The following TRDN variants were observed in gnomAD, a reference collection of about 807,000 sequenced individuals.
TRDN encodes triadin in skeletal muscle.
A neutral mutation model predicts 149.7 loss-of-function variants in TRDN; 161 were observed. That is an observed-to-expected ratio of 1.08 (90% CI 0.95 to 1.23). TRDN has a LOEUF of 1.23. Ranked by LOEUF, TRDN falls within the 50% of genes most tolerant of loss-of-function variation. The pLI is 0.00. For missense variants in TRDN, 896 were observed against 823.5 expected, an observed-to-expected ratio of 1.09 and a Z score of -1.08; for synonymous variants, 294 against 250.5, an observed-to-expected ratio of 1.17 and a Z score of -1.64.
chr6:123,607,921 T>G (rs1784595469), intron 1 of TRDN, among the ~76,000 whole-genome samples: 2 of 151,420 alleles, frequency 1.3e-5, no homozygotes, highest in African/African-American at 4.9e-5. Context: ...ACTCTTGGCC[T>G]CAGGCAATTC....
intron 24 of TRDN, among the ~76,000 whole-genome samples, chr6:123,309,112 T>C (rs1401910102): frequency 6.6e-6 from 1 of 152,008 alleles, no homozygotes; most frequent in Non-Finnish European, 1.5e-5. Flanking sequence ...AATTTATTTC[T>C]ATAGAATTTC....
intron 20 of TRDN, among the ~76,000 whole-genome samples, chr6:123,361,185 T>C (rs749262283): frequency 1.8e-4 from 27 of 152,142 alleles, no homozygotes; most frequent in Non-Finnish European, 3.7e-4. Context: ...TTGAACACCA[T>C]AGAATACTAT....
chr6:123,527,356 A>G (rs73536703), intron 5 of TRDN, among the ~76,000 whole-genome samples: 17,837 of 152,008 alleles, frequency 0.12, 1,321 homozygotes, highest in Non-Finnish European at 0.17. Context: ...AGAGTTATTT[A>G]TGATTACAAA....
chr6:123,390,786 G>A (rs1291242682), intron 13 of TRDN, among the ~76,000 whole-genome samples: 1 of 152,060 alleles, frequency 6.6e-6, no homozygotes, highest in Non-Finnish European at 1.5e-5. Flanking sequence ...GAGTAGACAT[G>A]GTTCTCAATA....
chr6:123,408,064 G>A (rs1444745926), intron 12 of TRDN, among the ~76,000 whole-genome samples: 1 of 152,014 alleles, frequency 6.6e-6, no homozygotes, highest in Non-Finnish European at 1.5e-5. Context: ...TCCCAAATAT[G>A]GCTTTAAAAT....
At chr6:123,576,561 GA>G in intron 1 of TRDN, among the ~76,000 whole-genome samples, 1 of 151,870 alleles carries the variant, frequency 6.6e-6, no homozygotes, top group East Asian at 1.9e-4. Flanking sequence ...CCATTGAGTG[GA>G]ACGGATGAGG....
intron 1 of TRDN, among the ~76,000 whole-genome samples, chr6:123,589,968 A>C (rs917358475): frequency 6.6e-6 from 1 of 152,204 alleles, no homozygotes; most frequent in Admixed American, 6.5e-5. Context: ...TTAAATATAA[A>C]TGATAGTAGT....
chr6:123,531,731 CATAG>C (rs1189126889), intron 4 of TRDN, among the ~76,000 whole-genome samples: 2 of 152,042 alleles, frequency 1.3e-5, no homozygotes, highest in African/African-American at 2.4e-5. Context: ...CTCCAAATGA[CATAG>C]GAAATGCCCA....
intron 24 of TRDN, among the ~76,000 whole-genome samples, chr6:123,308,613 T>C (rs1000658955): frequency 7.9e-5 from 12 of 152,084 alleles, no homozygotes; most frequent in Admixed American, 6.6e-4. Context: ...ATTACAAGTG[T>C]CTATAGAAAA....
chr6:123,267,101 CAAA>C, intron 32 of TRDN, among the ~76,000 whole-genome samples: 1 of 69,338 alleles, frequency 1.4e-5, no homozygotes, highest in Non-Finnish European at 2.4e-5. Flanking sequence ...GATTTTGTCT[CAAA>C]AAAAAAAAAA....
chr6:123,544,104 C>T (rs1026384056), intron 4 of TRDN, among the ~76,000 whole-genome samples: 1 of 151,816 alleles, frequency 6.6e-6, no homozygotes, highest in East Asian at 1.9e-4. Context: ...AGAATGCCAT[C>T]GAATGAATGG....
At chr6:123,442,254 A>G (rs1404559994) in intron 10 of TRDN, 1 of 152,246 alleles carries the variant, frequency 6.6e-6, no homozygotes, top group Non-Finnish European at 1.5e-5. Flanking sequence ...CCTCATTTGA[A>G]AAGTGGAGCT....
intron 21 of TRDN, chr6:123,350,390 A>G (rs1012724633): frequency 1.2e-6 from 1 of 834,444 alleles, no homozygotes; most frequent in Non-Finnish European, 1.4e-6. Context: ...AAATCATATA[A>G]TTTTTCTAAA....
At chr6:123,420,309 A>C (rs1773841708) in intron 12 of TRDN, among the ~76,000 whole-genome samples, 1 of 152,214 alleles carries the variant, frequency 6.6e-6, no homozygotes, top group Non-Finnish European at 1.5e-5. Flanking sequence ...TAGTGGTAAA[A>C]GATGGCAGCT....
intron 24 of TRDN, among the ~76,000 whole-genome samples, chr6:123,293,790 T>G (rs1053037440): frequency 6.7e-6 from 1 of 148,490 alleles, no homozygotes; most frequent in African/African-American, 2.4e-5. Context: ...GTCTTAGGAG[T>G]AGCTTTCCCC....
chr6:123,270,716 T>C (rs1777177614), intron 30 of TRDN, among the ~76,000 whole-genome samples: 2 of 152,016 alleles, frequency 1.3e-5, no homozygotes. Flanking sequence ...TATATAACCA[T>C]ATCCCTCTCT....
In TRDN at chr6:123,558,536, A is replaced by G. The variant is rs182591068; in HGVS notation, c.233-9924T>C. ...CAGCATTTACACTCTTTTTCATCAAATATGAAAAACCCAGCCCAGTTCATG... is the reference window on the plus strand; with the variant it reads ...CAGCATTTACACTCTTTTTCATCAAGTATGAAAAACCCAGCCCAGTTCATG... On this transcript the variant is annotated intron_variant, in intron 2 of 40. Transcript: ENST00000334268. 1.3e-3 allele frequency among the ~76,000 whole-genome samples: 194 copies of G among 152,214 alleles called. 1 individual carries two copies. Among genetic ancestry groups the G allele is most frequent in the African/African-American group, 4.4e-3 (184 of 41,532 alleles).
intron 9 of TRDN, among the ~76,000 whole-genome samples, chr6:123,466,330 T>C (rs116793808): frequency 2.9e-4 from 44 of 152,316 alleles, no homozygotes; most frequent in African/African-American, 7.9e-4. Context: ...GTGCCAAGAA[T>C]GATCCAAATG....
intron 1 of TRDN, among the ~76,000 whole-genome samples, chr6:123,579,647 G>A (rs1406633483): frequency 6.6e-6 from 1 of 152,126 alleles, no homozygotes; most frequent in African/African-American, 2.4e-5. Context: ...TGAGGATGAT[G>A]CTGGCCTCAT....
Sources: gnomAD v4.1 joint callset for allele counts (sites outside exome capture counted in the v4.1 genomes callset) on GRCh38, gnomAD v4.1.1 for gene constraint, MANE v1.5 for transcripts, NCBI Gene and HGNC (gene_info 2026-07-23, HGNC 2026-07-21) for gene names.